SEC16A: variants seen among roughly 807,000 people sequenced by gnomAD.
The protein encoded by SEC16A is SEC16 homolog A, endoplasmic reticulum export factor, also known as protein transport protein Sec16A.
A neutral mutation model predicts 221.9 loss-of-function variants in SEC16A; 110 were observed. The ratio of observed to expected loss-of-function variants is 0.50; its 90% CI spans 0.42 to 0.58. The LOEUF (loss-of-function observed/expected upper bound fraction) is 0.58, where lower values mean the gene tolerates loss of function less well. SEC16A is among the 20% of genes least tolerant of loss of function. The pLI is 0.00. For missense variants in SEC16A, 3,165 were observed against 3,097.8 expected (o/e 1.02, Z -0.52); for synonymous variants, 1,393 against 1,257.7 (o/e 1.11, Z -2.28).
chr9:136,472,015 T>C lies in SEC16A; in HGVS notation c.3664A>G (p.Ser1222Gly), dbSNP rs2132729022. Residue 1222 changes from serine (S) to glycine (G), a missense_variant, in exon 4 of 32, where the codon AGC becomes GGC. Ser to Gly is a moderately conservative substitution (Grantham distance 56). Around this residue, in one of 3 missense-constraint regions of SEC16A, gnomAD observed 2,030 missense variants for 1,923.1 expected, o/e 1.06. Transcript: ENST00000684901. Reference sequence around the variant, plus strand: ...TCCGAGGAGTGGCTGGCTCGGGAGCTGGGCCGCTCGGGCTCGGGATAGCGG... The same window carrying C: ...TCCGAGGAGTGGCTGGCTCGGGAGCCGGGCCGCTCGGGCTCGGGATAGCGG... ...NYRYPEPERP[S>G]SRASHSSERP... is the part of the protein sequence containing the mutation. The C allele has an allele frequency of 6.2e-7, 1 of 1,611,668 alleles. No individual in the cohort carries two copies. Among genetic ancestry groups the C allele is most frequent in the Middle Eastern group, 1.7e-4 (1 of 6,060 alleles).
Position 136,465,967 on chromosome 9 carries a change from T to C in SEC16A, c.4298A>G (p.Glu1433Gly). The change falls in exon 8 of 32, where the codon GAG (glutamate) becomes GGG (glycine). Residue 1433 changes from glutamate (E) to glycine (G), a missense_variant. By Grantham distance (98) the Glu-to-Gly change is moderately conservative. This residue lies in a region of SEC16A where 2,030 missense variants were observed against 1,923.1 expected (regional missense o/e 1.06). Coordinates refer to ENST00000684901, the MANE Select transcript of SEC16A (RefSeq NM_014866.2). ...YPADTVWPAM[E>G]QVSSRPTSPE... ...CTGTCCTGCTGAGCACACACCTTGC[T>C]CCATGGCAGGCCAGACGGTGTCGGC... is the stretch of plus-strand genomic sequence containing the variant. 6.2e-7 allele frequency: 1 copy of C among 1,613,260 alleles called. No individual in the cohort carries two copies. The highest frequency in any genetic ancestry group is 8.5e-7 in the Non-Finnish European group (1 of 1,179,814).
Position 136,477,468 on chromosome 9 carries a change from G to A in SEC16A, c.148C>T (p.Pro50Ser). Residue 50 changes from proline (P) to serine (S), a missense_variant, in exon 3 of 32, where the codon CCG (proline) becomes TCG (serine). Coordinates refer to ENST00000684901, the MANE Select transcript of SEC16A (RefSeq NM_014866.2). ...CTAAAAGCAAATGGATCCGTGACCG[G>A]CTGCAACGGGCAAGTTGTCGGAGCC... ...AVAPTTCPLQPVTDPFAFSRQ... is the reference protein window; with the variant it reads ...AVAPTTCPLQSVTDPFAFSRQ... 6.2e-7 allele frequency: 1 copy of A among 1,614,020 alleles called. No individual in the cohort carries two copies. Among genetic ancestry groups the A allele is most frequent in the Non-Finnish European group, 8.5e-7 (1 of 1,179,894 alleles).
Position 136,457,433 on chromosome 9 carries a change from A to G in SEC16A, c.5550+11T>C. 22 of 1,596,654 alleles carry G rather than the reference A, an allele frequency of 1.4e-5. No homozygotes were observed. Among genetic ancestry groups the G allele is most frequent in the Non-Finnish European group, 1.9e-5 (22 of 1,170,362 alleles). On this transcript the variant is annotated intron_variant, in intron 18 of 31. Coordinates refer to ENST00000684901, the MANE Select transcript of SEC16A (RefSeq NM_014866.2). ...GCACAGCATCCCGAGGACAGGCGCC[A>G]GGGGCAGCACCTGCACAAGCTGGCT... is the stretch of plus-strand genomic sequence containing the variant.
chr9:136,465,400 A>G (rs987705380), intron 8 of SEC16A, among the ~76,000 whole-genome samples: 4 of 152,216 alleles, frequency 2.6e-5, no homozygotes, highest in Non-Finnish European at 4.4e-5. Context: ...GCAGTGAGCC[A>G]AGATCACATC....
chr9:136,463,700 G>A lies in SEC16A; in HGVS notation c.4487C>T (p.Ala1496Val), dbSNP rs541005290. 16 of 1,612,770 alleles carry A rather than the reference G, an allele frequency of 9.9e-6. No individual in the cohort carries two copies. The African/African-American group carries it at 1.3e-4, about 13-fold the overall frequency. Residue 1496 changes from alanine (A) to valine (V), a missense_variant, in exon 10 of 32, where the codon GCG (alanine) becomes GTG (valine). Ala to Val is a moderately conservative substitution (Grantham distance 64). This residue lies in a region of SEC16A where 47 missense variants were observed against 85.0 expected (regional missense o/e 0.55). Transcript: ENST00000684901. The part of the protein sequence containing the change: ...QHTSEQEEMR[A>V]FPGPLAKDDT... The stretch of plus-strand genomic sequence containing the variant: ...ATACTTGGCCAGGGGTCCCGGGAAC[G>A]CCCGCATCTCCTCCTGCTCAGACGT...
intron 1 of SEC16A, among the ~76,000 whole-genome samples, chr9:136,480,073 T>A (rs1842129437): frequency 6.6e-6 from 1 of 152,158 alleles, no homozygotes; most frequent in Non-Finnish European, 1.5e-5. Context: ...AGCAAAGGCT[T>A]CATGGAGGTT....
In SEC16A at chr9:136,464,564, T is replaced by C; in HGVS notation, c.4304-2A>G. 1 of 1,593,554 alleles carries C rather than the reference T, an allele frequency of 6.3e-7. No homozygotes were observed. The highest frequency in any genetic ancestry group is 8.6e-7 in the Non-Finnish European group (1 of 1,164,402). ...CAGGAGAAGTTGGTCTTGATGAAAC[T>C]GCATTTAAAATAAATTGAAAAAGAA... On this transcript the variant is annotated splice_acceptor_variant, in intron 8 of 31. Transcript: ENST00000684901. LOFTEE classifies it high-confidence loss of function.
chr9:136,474,114 C>A lies in SEC16A; in HGVS notation c.3502G>T (p.Ala1168Ser). The A allele has an allele frequency of 6.2e-7, 1 of 1,613,186 alleles. No individual in the cohort carries two copies. Among genetic ancestry groups the A allele is most frequent in the Non-Finnish European group, 8.5e-7 (1 of 1,179,858 alleles). Residue 1168 changes from alanine (A) to serine (S), a missense_variant, in exon 3 of 32, where the codon GCC (alanine) becomes TCC (serine). Coordinates refer to ENST00000684901, the MANE Select transcript of SEC16A (RefSeq NM_014866.2). ...AYYYYRPLYDAYQPQYSLPYP... is the reference protein window; with the variant it reads ...AYYYYRPLYDSYQPQYSLPYP... ...GGCAAAGAGTACTGAGGCTGGTAGG[C>A]ATCGTACAAAGGCCGGTAGTAGTAG...
chr9:136,476,895 C>A lies in SEC16A; in HGVS notation c.721G>T (p.Val241Leu). Residue 241 changes from valine to leucine, a missense_variant, in exon 3 of 32, where the codon GTG (valine) becomes TTG (leucine). By Grantham distance (32) the Val-to-Leu change is conservative (BLOSUM62 1). Transcript: ENST00000684901. Reference protein sequence around the residue: ...PCPEGPVPSGVPCATSVPHFP... With the variant: ...PCPEGPVPSGLPCATSVPHFP... Reference sequence around the variant, plus strand: ...TGAGGAACGCTGGTGGCACAGGGCACCCCGCTGGGAACAGGTCCTTCAGGG... The same window carrying A: ...TGAGGAACGCTGGTGGCACAGGGCAACCCGCTGGGAACAGGTCCTTCAGGG... 6.2e-7 allele frequency: 1 copy of A among 1,611,574 alleles called. No homozygotes were observed. The highest frequency in any genetic ancestry group is 1.7e-5 in the Admixed American group (1 of 59,992).
Position 136,475,476 on chromosome 9 carries a change from C to T in SEC16A, c.2140G>A (p.Gly714Arg). 1 of 1,607,734 alleles carries T rather than the reference C, an allele frequency of 6.2e-7. No homozygotes were observed. Among genetic ancestry groups the T allele is most frequent in the Non-Finnish European group, 8.5e-7 (1 of 1,175,868 alleles). ...PEKRPSARTQGPVKCESPATT... is the reference protein window; with the variant it reads ...PEKRPSARTQRPVKCESPATT... ...GCTGGGCTCTCACACTTCACGGGCCCCTGGGTCCTGGCTGAAGGCCTCTTC... is the reference window on the plus strand; with the variant it reads ...GCTGGGCTCTCACACTTCACGGGCCTCTGGGTCCTGGCTGAAGGCCTCTTC... The change falls in exon 3 of 32, where the codon GGG becomes AGG. Residue 714 changes from glycine to arginine, a missense_variant. Around this residue, in one of 3 missense-constraint regions of SEC16A, gnomAD observed 2,030 missense variants for 1,923.1 expected, o/e 1.06. Coordinates refer to ENST00000684901, the MANE Select transcript of SEC16A (RefSeq NM_014866.2). The surrounding 1 kb of genome is among the most constrained non-coding windows in gnomAD (Gnocchi z 5.0).
chr9:136,462,784 C>T, intron 12 of SEC16A, 103 bp downstream of exon 12: 1 of 1,366,406 alleles, frequency 7.3e-7, no homozygotes, highest in Non-Finnish European at 9.8e-7. Context: ...AGCGCGGATG[C>T]TCCCAAGAGG....
At chr9:136,463,161 G>C in intron 11 of SEC16A, 29 bp from the exon 12 acceptor site, 1 of 1,603,394 alleles carries the variant, frequency 6.2e-7, no homozygotes, top group Non-Finnish European at 8.5e-7. Context: ...ACAGGAAGGA[G>C]AACAACGGCT....
In SEC16A at chr9:136,468,436, A is replaced by T; in HGVS notation, c.3781T>A (p.Ser1261Thr). 6.2e-7 allele frequency: 1 copy of T among 1,610,812 alleles called. No individual in the cohort carries two copies. Among genetic ancestry groups the T allele is most frequent in the Non-Finnish European group, 8.5e-7 (1 of 1,178,166 alleles). The change falls in exon 5 of 32, where the codon TCC becomes ACC. Residue 1261 changes from serine (S) to threonine (T), a missense_variant. Ser to Thr is a moderately conservative substitution (Grantham distance 58). Transcript: ENST00000684901. ...SQSDYYASYY[S>T]SQYDYGDPGH... is the part of the protein sequence containing the mutation. ...ATACCTCCATAATCGTACTGGCTGG[A>T]GTAATAGCTTGCATAGTAATCGCTC... is the stretch of plus-strand genomic sequence containing the variant.
intron 30 of SEC16A, 150 bp downstream of exon 30, chr9:136,444,902 G>T: frequency 4.8e-6 from 2 of 416,284 alleles, no homozygotes; most frequent in Non-Finnish European, 8.4e-6. Context: ...AAAAAAAAAA[G>T]GAACCCTGTA....
Position 136,476,363 on chromosome 9 carries a change from A to C in SEC16A, c.1253T>G (p.Val418Gly), listed in dbSNP as rs747013490. 3.1e-6 allele frequency: 5 copies of C among 1,612,732 alleles called. No individual in the cohort carries two copies. Among genetic ancestry groups the C allele is most frequent in the Non-Finnish European group, 4.2e-6 (5 of 1,179,848 alleles). ...GLGRPPAPTHVGAGSLCQALL... is the reference protein window; with the variant it reads ...GLGRPPAPTHGGAGSLCQALL... The stretch of plus-strand genomic sequence containing the variant: ...GGCCTGGCAGAGGCTGCCTGCCCCC[A>C]CGTGTGTAGGTGCGGGCGGACGGCC... The change falls in exon 3 of 32, where the codon GTG becomes GGG. Residue 418 changes from valine (V) to glycine (G), a missense_variant. Val to Gly is a moderately radical substitution (Grantham distance 109). Coordinates refer to ENST00000684901, the MANE Select transcript of SEC16A (RefSeq NM_014866.2).
chr9:136,474,544 G>A lies in SEC16A; in HGVS notation c.3072C>T (p.Ala1024=). Residue 1024 remains alanine, a synonymous_variant, in exon 3 of 32, where the codon GCC becomes GCT. Coordinates refer to ENST00000684901, the MANE Select transcript of SEC16A (RefSeq NM_014866.2). ...CAGGCCCAGATTGTCTGGGATGACT[G>A]GCAACACTTTGCTGAGAAGCGAGGC... ...SDSLASQQSV[A]SHPRQSGPGA... is the part of the protein sequence containing the mutation. 2 of 1,612,902 alleles carry A rather than the reference G, an allele frequency of 1.2e-6. No homozygotes were observed. The highest frequency in any genetic ancestry group is 1.3e-5 in the African/African-American group (1 of 75,052).
rs1588953638 is a variant in SEC16A, at chr9:136,463,852, A to G, written c.4447-112T>C. 7 of 1,109,904 alleles carry G rather than the reference A, an allele frequency of 6.3e-6. No individual in the cohort carries two copies. The East Asian group carries it at 1.7e-4, about 27-fold the overall frequency. 68.8% of individuals were successfully genotyped at this position (1,109,904 alleles called of 1,614,324 possible). The stretch of plus-strand genomic sequence containing the variant: ...GTGAGAGGAGAGGATGGCATGGCCC[A>G]CCTGCCCCGCCCCACAGCAGGTGAA... On this transcript the variant is annotated intron_variant, in intron 9 of 31. Coordinates refer to ENST00000684901, the MANE Select transcript of SEC16A (RefSeq NM_014866.2).
chr9:136,475,520 G>A lies in SEC16A; in HGVS notation c.2096C>T (p.Thr699Ile), dbSNP rs1841504108. The A allele has an allele frequency of 1.9e-6, 3 of 1,612,758 alleles. No homozygotes were observed. Among genetic ancestry groups the A allele is most frequent in the Admixed American group, 1.7e-5 (1 of 59,922 alleles). The part of the protein sequence containing the change: ...LPHAGAPPLD[T>I]VYPAPEKRPS... ...CCTCTTCTCGGGTGCTGGATACACA[G>A]TATCCAAGGGCGGTGCCCCTGCGTG... The change falls in exon 3 of 32, where the codon ACT becomes ATT. Residue 699 changes from threonine (T) to isoleucine (I), a missense_variant. By Grantham distance (89) the Thr-to-Ile change is moderately conservative. Around this residue, in one of 3 missense-constraint regions of SEC16A, gnomAD observed 2,030 missense variants for 1,923.1 expected, o/e 1.06. Transcript: ENST00000684901. The surrounding 1 kb of genome is among the most constrained non-coding windows in gnomAD (Gnocchi z 5.0).
chr9:136,465,373 C>T (rs1035309667), intron 8 of SEC16A, among the ~76,000 whole-genome samples: 8 of 151,502 alleles, frequency 5.3e-5, no homozygotes, highest in Admixed American at 3.3e-4. Flanking sequence ...ATCGTTTGAA[C>T]CCGAGATGCA....
Sources: allele counts gnomAD v4.1 joint callset (sites outside exome capture counted in the v4.1 genomes callset), GRCh38; gene constraint gnomAD v4.1.1; regional missense constraint gnomAD v4.1.1; non-coding constraint Gnocchi (gnomAD v3.1); transcripts MANE v1.5; gene names NCBI Gene and HGNC (gene_info 2026-07-23, HGNC 2026-07-21).